Variants in SLC38A1 observed in about 807,000 individuals in gnomAD.
The protein encoded by SLC38A1 is sodium-coupled neutral amino acid symporter 1.
In SLC38A1, 18 loss-of-function variants were observed where a neutral mutation model predicts 60.3. The observed-to-expected ratio is 0.30, with a 90% confidence interval of 0.21 to 0.44. The LOEUF (loss-of-function observed/expected upper bound fraction) is 0.44. Ranked by LOEUF, SLC38A1 falls within the 20% of genes least tolerant of loss-of-function variation. SLC38A1 has a pLI of 1.00. For missense variants in SLC38A1, 448 were observed against 587.2 expected (o/e 0.76, Z 2.45); for synonymous variants, 196 against 212.1 (o/e 0.92, Z 0.66).
chr12:46,212,748 A>T (rs1940231253), intron 5 of SLC38A1, among the ~76,000 whole-genome samples: 1 of 152,148 alleles, frequency 6.6e-6, no homozygotes, highest in African/African-American at 2.4e-5. Context: ...TTTACCCAGG[A>T]CAGGAAACCT....
At chr12:46,202,662 T>A (rs1939713907) in intron 12 of SLC38A1, among the ~76,000 whole-genome samples, 1 of 152,196 alleles carries the variant, frequency 6.6e-6, no homozygotes, top group African/African-American at 2.4e-5. Context: ...AATCTGAAGA[T>A]TATCACCCAC....
intron 12 of SLC38A1, among the ~76,000 whole-genome samples, chr12:46,202,497 A>G (rs1174004707): frequency 1.3e-5 from 2 of 152,216 alleles, no homozygotes; most frequent in African/African-American, 4.8e-5. Context: ...AAATCAATAA[A>G]TCCATAGAAT....
At chr12:46,214,793 C>T (rs1204315651) in intron 5 of SLC38A1, among the ~76,000 whole-genome samples, 1 of 152,190 alleles carries the variant, frequency 6.6e-6, no homozygotes, top group African/African-American at 2.4e-5. Flanking sequence ...ATCCTCCCAA[C>T]ACAGCATCAG....
intron 11 of SLC38A1, 137 bp from the exon 12 acceptor site, chr12:46,203,226 G>A: frequency 1.4e-6 from 1 of 711,526 alleles, no homozygotes; most frequent in Non-Finnish European, 2.3e-6. Flanking sequence ...GGGAGGTTTT[G>A]ATCTCTAAAG....
In SLC38A1 at chr12:46,212,138, TA is replaced by T. The variant is rs568223298; in HGVS notation, c.315-3012del. The stretch of plus-strand genomic sequence containing the variant: ...CTTGAGACACAGAAACCATGACATC[TA>T]AGAGAAAGAAGAAAGAGGAATAACT... On this transcript the variant is annotated intron_variant, in intron 5 of 16. Coordinates refer to ENST00000398637, the MANE Select transcript of SLC38A1 (RefSeq NM_030674.4). 4.3e-3 allele frequency among the ~76,000 whole-genome samples: 660 copies of T among 152,310 alleles called. 3 individuals are homozygous for T. Among genetic ancestry groups the T allele is most frequent in the Non-Finnish European group, 6.6e-3 (448 of 68,038 alleles).
rs532527066 is a variant in SLC38A1 at position 46,234,572 on chromosome 12, C to G, written c.123-4933G>C. On this transcript the variant is annotated intron_variant, in intron 3 of 16. Transcript: ENST00000398637. ...ACGCCATTCTCCTGCCTCAGCCTCC[C>G]GAGTAGCTGGGACCACAGGCGCCCG... 4.6e-5 allele frequency among the ~76,000 whole-genome samples: 7 copies of G among 151,952 alleles called. No individual in the cohort carries two copies. The East Asian group carries it at 9.7e-4, about 21-fold the overall frequency.
Position 46,197,836 on chromosome 12 carries a change from G to T in SLC38A1, c.1265-19C>A, listed in dbSNP as rs1415172159. ...GTAACTCCTGTAAAATAAGACAAAAGAGAAAGTTTAGCATTGCTATTGTGA... is the reference window on the plus strand; with the variant it reads ...GTAACTCCTGTAAAATAAGACAAAATAGAAAGTTTAGCATTGCTATTGTGA... On this transcript the variant is annotated intron_variant, in intron 15 of 16. Transcript: ENST00000398637. 6.3e-7 allele frequency: 1 copy of T among 1,597,048 alleles called. No individual in the cohort carries two copies. Among genetic ancestry groups the T allele is most frequent in the Non-Finnish European group, 8.5e-7 (1 of 1,173,186 alleles).
At chr12:46,204,444 A>C (rs1253715204) in intron 10 of SLC38A1, 27 bp from the exon 11 acceptor site, 1 of 1,592,200 alleles carries the variant, frequency 6.3e-7, no homozygotes, top group Non-Finnish European at 8.6e-7. Context: ...TAGTAGAAGC[A>C]ATATGGACTT....
At chr12:46,252,505 A>AAT (rs1331977826) in intron 1 of SLC38A1, among the ~76,000 whole-genome samples, 2 of 151,870 alleles carry the variant, frequency 1.3e-5, no homozygotes, top group African/African-American at 2.4e-5. Flanking sequence ...AGTATAATAA[A>AAT]ATATATATAT....
chr12:46,230,848 T>G (rs1941048239), intron 3 of SLC38A1, among the ~76,000 whole-genome samples: 1 of 152,202 alleles, frequency 6.6e-6, no homozygotes, highest in Admixed American at 6.5e-5. Flanking sequence ...ACACCATTGG[T>G]GGGAACTTAA....
At chr12:46,226,617 CTTTTTTTTTT>C (rs199599486) in intron 5 of SLC38A1, among the ~76,000 whole-genome samples, 208 of 123,002 alleles carry the variant, frequency 1.7e-3, no homozygotes, top group Non-Finnish European at 2.4e-3. Flanking sequence ...CATGGATTTC[CTTTTTTTTTT>C]TTTTTTTTTT....
At chr12:46,236,915 C>T (rs541891764) in intron 3 of SLC38A1, among the ~76,000 whole-genome samples, 1 of 152,244 alleles carries the variant, frequency 6.6e-6, no homozygotes, top group African/African-American at 2.4e-5. Flanking sequence ...CAGCACTGGT[C>T]TAATGGATAT....
At chr12:46,191,897 C>T (rs1255175836) in intron 16 of SLC38A1, among the ~76,000 whole-genome samples, 1 of 152,156 alleles carries the variant, frequency 6.6e-6, no homozygotes, top group Non-Finnish European at 1.5e-5. Flanking sequence ...TTGACTTCCT[C>T]CTCTCCTAAT....
chr12:46,266,130 C>G (rs1469142653), intron 1 of SLC38A1, among the ~76,000 whole-genome samples: 1 of 152,094 alleles, frequency 6.6e-6, no homozygotes, highest in African/African-American at 2.4e-5. Flanking sequence ...AAGAGATGAA[C>G]AAGATGGCCT....
chr12:46,216,141 T>C (rs972292977), intron 5 of SLC38A1, among the ~76,000 whole-genome samples: 3 of 152,170 alleles, frequency 2.0e-5, no homozygotes, highest in African/African-American at 7.2e-5. Flanking sequence ...TCAACCCTCC[T>C]GCATCTTCAC....
chr12:46,249,168 A>AAAAAAAAAAAAAG (rs555103632), intron 1 of SLC38A1, among the ~76,000 whole-genome samples: 16 of 126,440 alleles, frequency 1.3e-4, no homozygotes, highest in South Asian at 2.4e-4. Context: ...AAAAAAAAAA[A>AAAAAAAAAAAAAG]AAAAAAAGAA....
chr12:46,213,039 C>T (rs1248657441), intron 5 of SLC38A1, among the ~76,000 whole-genome samples: 1 of 152,150 alleles, frequency 6.6e-6, no homozygotes, highest in African/African-American at 2.4e-5. Context: ...AACTGTTCAT[C>T]TTGTGATGAA....
At chr12:46,231,433 T>TA (rs1317697632) in intron 3 of SLC38A1, among the ~76,000 whole-genome samples, 3 of 152,128 alleles carry the variant, frequency 2.0e-5, no homozygotes, top group Admixed American at 2.0e-4. Context: ...TCTATAAAAA[T>TA]AAAAAATTAA....
At chr12:46,209,195 A>G (rs1464368125) in intron 5 of SLC38A1, 68 bp from the exon 6 acceptor site, 59 of 1,115,394 alleles carry the variant, frequency 5.3e-5, no homozygotes, top group Non-Finnish European at 5.8e-5. Flanking sequence ...TACAGTTTAG[A>G]AGGGCAAAGG....
Sources: allele counts gnomAD v4.1 joint callset (sites outside exome capture counted in the v4.1 genomes callset), GRCh38; gene constraint gnomAD v4.1.1; transcripts MANE v1.5; gene names NCBI Gene and HGNC (gene_info 2026-07-23, HGNC 2026-07-21).